MARK1: variants seen among roughly 807,000 people sequenced by gnomAD.
MARK1 encodes serine/threonine-protein kinase MARK1.
MARK1 carries 40 observed loss-of-function variants against 96.3 expected under a neutral mutation model. The observed-to-expected ratio is 0.42, with a 90% CI of 0.32 to 0.54. MARK1 has a LOEUF of 0.54. Ranked by LOEUF, MARK1 falls within the 20% of genes least tolerant of loss-of-function variation. MARK1 has a pLI of 0.16. For synonymous variants in MARK1, 317 were observed against 341.2 expected (o/e 0.93, Z 0.78); for missense variants, 719 against 984.6 (o/e 0.73, Z 3.61).
intron 1 of MARK1, among the ~76,000 whole-genome samples, chr1:220,577,280 A>G (rs1663929178): frequency 6.6e-6 from 1 of 152,162 alleles, no homozygotes. Context: ...AAGAAAAAAA[A>G]AAAGATACAT....
intron 3 of MARK1, among the ~76,000 whole-genome samples, chr1:220,590,322 T>C (rs1195498926): frequency 6.6e-6 from 1 of 152,208 alleles, no homozygotes; most frequent in Admixed American, 6.5e-5. Context: ...TACCACAGAC[T>C]GGGTGACTTA....
At chr1:220,626,930 G>A in intron 9 of MARK1, 1 of 495,432 alleles carries the variant, frequency 2.0e-6, no homozygotes. Flanking sequence ...TTGTAATGTT[G>A]CCTAGTGCTG....
intron 9 of MARK1, chr1:220,626,507 T>G: frequency 1.9e-6 from 1 of 526,996 alleles, no homozygotes; most frequent in South Asian, 1.4e-5. Flanking sequence ...GGGGACTGGT[T>G]AGGTTGCTTC....
Position 220,618,419 on chromosome 1 carries a change from C to T in MARK1, c.662C>T (p.Pro221Leu). The change falls in exon 8 of 18, where the codon CCC (proline) becomes CTC (leucine). Residue 221 changes from proline to leucine, a missense_variant. By Grantham distance (98) the Pro-to-Leu change is moderately conservative. Transcript: ENST00000366917. This position sits in a 1 kb window ranked among gnomAD's most constrained non-coding sequence, Gnocchi z 4.6. The part of the protein sequence containing the change: ...NKLDTFCGSP[P>L]YAAPELFQGK... ...TTGGACACATTTTGTGGAAGCCCAC[C>T]CTATGCTGCTCCCGAGCTTTTCCAA... 2 of 1,614,066 alleles carry T rather than the reference C, an allele frequency of 1.2e-6. No homozygotes were observed. The highest frequency in any genetic ancestry group is 1.7e-6 in the Non-Finnish European group (2 of 1,179,994).
At position 220,653,272 on chromosome 1, in the gene MARK1, T is replaced by C. The variant is rs1317445453; in HGVS notation, c.1908T>C (p.His636=). 1.2e-6 allele frequency: 2 copies of C among 1,614,210 alleles called. No individual in the cohort carries two copies. The highest frequency in any genetic ancestry group is 1.7e-5 in the Admixed American group (1 of 60,022). ...ATGGGCCACCTGCTTCACCATCCCA[T>C]GAAACGGGTGCATTTGCACATGCCA... ...AYNGPPASPS[H]ETGAFAHARR... is the part of the protein sequence containing the mutation. The change falls in exon 16 of 18, where the codon CAT becomes CAC. Residue 636 remains histidine (H), a synonymous_variant. Transcript: ENST00000366917.
chr1:220,619,147 T>A (rs1019973511), intron 9 of MARK1, among the ~76,000 whole-genome samples: 5 of 152,234 alleles, frequency 3.3e-5, no homozygotes, highest in African/African-American at 4.8e-5. Context: ...CTAATGAATA[T>A]TTCACAGCTA....
At chr1:220,576,004 TCTCC>T (rs1558269837) in intron 1 of MARK1, among the ~76,000 whole-genome samples, 21 of 2,368 alleles carry the variant, frequency 8.9e-3, no homozygotes, top group East Asian at 0.061. Context: ...TTTTTTCTTC[TCTCC>T]CTCCCTCCCT....
At position 220,600,813 on chromosome 1, in the gene MARK1, G is replaced by A. The variant is rs977860952; in HGVS notation, c.424+950G>A. 5.5e-4 allele frequency among the ~76,000 whole-genome samples: 84 copies of A among 151,764 alleles called. 1 individual carries two copies. The highest frequency in any genetic ancestry group is 2.0e-3 in the African/African-American group (83 of 41,446). On this transcript the variant is annotated intron_variant, in intron 5 of 17. Transcript: ENST00000366917. Reference sequence around the variant, plus strand: ...ATTTTTATGGTGATTCAGATTTTATGTGAACTAGAATAAAAAGGATTTATC... The same window carrying A: ...ATTTTTATGGTGATTCAGATTTTATATGAACTAGAATAAAAAGGATTTATC...
intron 1 of MARK1, among the ~76,000 whole-genome samples, chr1:220,540,413 C>T (rs936734773): frequency 6.6e-6 from 1 of 152,096 alleles, no homozygotes; most frequent in Non-Finnish European, 1.5e-5. Flanking sequence ...TGATGCTTGC[C>T]CACATTGATG....
chr1:220,618,424 G>T lies in MARK1; in HGVS notation c.667G>T (p.Ala223Ser). Residue 223 changes from alanine to serine, a missense_variant, in exon 8 of 18, where the codon GCT becomes TCT. Ala to Ser is a moderately conservative substitution (Grantham distance 99). Around this residue, in one of 4 missense-constraint regions of MARK1, gnomAD observed 96 missense variants for 213.1 expected, o/e 0.45. Coordinates refer to ENST00000366917, the MANE Select transcript of MARK1 (RefSeq NM_018650.5). This position sits in a 1 kb window ranked among gnomAD's most constrained non-coding sequence, Gnocchi z 4.6. ...LDTFCGSPPY[A>S]APELFQGKKY... ...CACATTTTGTGGAAGCCCACCCTAT[G>T]CTGCTCCCGAGCTTTTCCAAGGAAA... The T allele has an allele frequency of 6.2e-7, 1 of 1,614,150 alleles. No individual in the cohort carries two copies.
chr1:220,650,808 G>A (rs1668832783), intron 14 of MARK1, 88 bp downstream of exon 14: 4 of 838,004 alleles, frequency 4.8e-6, no homozygotes, highest in Non-Finnish European at 5.9e-6. Context: ...AATGGGTCAG[G>A]AGAAAAGCAG....
At chr1:220,645,689 C>A (rs979139318) in intron 13 of MARK1, among the ~76,000 whole-genome samples, 1 of 152,148 alleles carries the variant, frequency 6.6e-6, no homozygotes, top group African/African-American at 2.4e-5. Flanking sequence ...AGCAGCACAT[C>A]AAAAAGCTTA....
Position 220,587,518 on chromosome 1 carries a change from G to A in MARK1, c.309+6400G>A, listed in dbSNP as rs578149171. On this transcript the variant is annotated intron_variant, in intron 3 of 17. Transcript: ENST00000366917. ...CAAGTAGCTGGGATTACAGGTGCCCGCCACCAAGCCCAGCTAATTTTTTGT... is the reference window on the plus strand; with the variant it reads ...CAAGTAGCTGGGATTACAGGTGCCCACCACCAAGCCCAGCTAATTTTTTGT... Among the ~76,000 whole-genome samples the A allele has an allele frequency of 2.5e-4, 38 of 152,016 alleles. 1 individual carries two copies. Among genetic ancestry groups the A allele is most frequent in the African/African-American group, 7.0e-4 (29 of 41,474 alleles).
intron 1 of MARK1, among the ~76,000 whole-genome samples, chr1:220,571,001 A>G (rs1663414344): frequency 6.6e-6 from 1 of 152,104 alleles, no homozygotes; most frequent in South Asian, 2.1e-4. Flanking sequence ...TGTTTTTGTA[A>G]ATAGGTATGT....
At chr1:220,595,493 C>CT (rs1156379247) in intron 3 of MARK1, among the ~76,000 whole-genome samples, 1 of 152,188 alleles carries the variant, frequency 6.6e-6, no homozygotes, top group Non-Finnish European at 1.5e-5. Flanking sequence ...GTTACAGTGA[C>CT]TTGGAGCTCA....
chr1:220,560,354 T>C (rs1662582213), intron 1 of MARK1, among the ~76,000 whole-genome samples: 1 of 152,178 alleles, frequency 6.6e-6, no homozygotes, highest in Admixed American at 6.5e-5. Flanking sequence ...TTTTCCTCCT[T>C]TGCAACTTCA....
chr1:220,616,393 A>T (rs1315406738), intron 7 of MARK1, among the ~76,000 whole-genome samples: 6 of 152,210 alleles, frequency 3.9e-5, no homozygotes, highest in Non-Finnish European at 8.8e-5. Flanking sequence ...AAAGTTGTAA[A>T]ACATTTTTAT....
chr1:220,651,885 T>C, intron 14 of MARK1, 101 bp from the exon 15 acceptor site: 2 of 812,936 alleles, frequency 2.5e-6, no homozygotes, highest in Non-Finnish European at 3.8e-6. Flanking sequence ...ATGAAAGGTG[T>C]TAGTCAGTTT....
chr1:220,577,086 C>T (rs1663911905), intron 1 of MARK1, among the ~76,000 whole-genome samples: 1 of 152,010 alleles, frequency 6.6e-6, no homozygotes, highest in African/African-American at 2.4e-5. Context: ...GATGAGACTC[C>T]ATCTCTACAA....
Sources: gnomAD v4.1 joint callset for allele counts (sites outside exome capture counted in the v4.1 genomes callset) on GRCh38, gnomAD v4.1.1 for gene constraint, gnomAD v4.1.1 regional missense constraint, Gnocchi (gnomAD v3.1) non-coding constraint, MANE v1.5 for transcripts, NCBI Gene and HGNC (gene_info 2026-07-23, HGNC 2026-07-21) for gene names.